Variants in KIAA1217 observed in about 807,000 individuals in gnomAD.
KIAA1217 encodes KIAA1217, also known as sickle tail protein homolog.
In KIAA1217, 88 loss-of-function variants were observed where a neutral mutation model predicts 163.9. That is an observed-to-expected ratio of 0.54 (90% CI 0.45 to 0.64). The LOEUF is 0.64. KIAA1217 is among the 30% of genes least tolerant of loss of function. KIAA1217 has a pLI of 0.00. For missense variants in KIAA1217, 2,372 were observed against 2,475.0 expected (o/e 0.96, Z 0.88); for synonymous variants, 903 against 923.1 (o/e 0.98, Z 0.39).
intron 2 of KIAA1217, among the ~76,000 whole-genome samples, chr10:24,129,259 G>T (rs2063570059): frequency 7.0e-6 from 1 of 143,512 alleles, no homozygotes; most frequent in Admixed American, 7.1e-5. Context: ...GGAGAGCCAG[G>T]ATGAAAAACT....
intron 1 of KIAA1217, among the ~76,000 whole-genome samples, chr10:23,843,699 T>C (rs759690892): frequency 6.6e-5 from 10 of 152,176 alleles, no homozygotes; most frequent in Non-Finnish European, 1.5e-4. Flanking sequence ...TTGTTGACTA[T>C]GTTCTTCTGT....
At chr10:24,066,988 C>T (rs2060976880) in intron 2 of KIAA1217, among the ~76,000 whole-genome samples, 1 of 152,212 alleles carries the variant, frequency 6.6e-6, no homozygotes, top group South Asian at 2.1e-4. Flanking sequence ...TGGTTTTCAG[C>T]TCCATCAGGT....
chr10:24,311,615 C>G (rs1419363560), intron 2 of KIAA1217, among the ~76,000 whole-genome samples: 1 of 152,132 alleles, frequency 6.6e-6, no homozygotes, highest in African/African-American at 2.4e-5. Flanking sequence ...CTACTTATTG[C>G]TGGAGGTAAT....
At chr10:24,323,992 C>A (rs529909266) in intron 2 of KIAA1217, among the ~76,000 whole-genome samples, 5 of 152,012 alleles carry the variant, frequency 3.3e-5, no homozygotes, top group African/African-American at 1.2e-4. Flanking sequence ...GGCTAAGGAA[C>A]CACTGTAAAT....
At chr10:23,869,052 C>G (rs943759156) in intron 1 of KIAA1217, among the ~76,000 whole-genome samples, 1 of 140,956 alleles carries the variant, frequency 7.1e-6, no homozygotes, top group African/African-American at 2.7e-5. Context: ...ATGCTAAGCA[C>G]GTTTTTTTTA....
intron 1 of KIAA1217, among the ~76,000 whole-genome samples, chr10:23,913,591 G>A (rs997981866): frequency 3.3e-5 from 5 of 152,044 alleles, no homozygotes; most frequent in African/African-American, 1.2e-4. Context: ...GGAGGGGTAA[G>A]TGAGGGGTGC....
intron 3 of KIAA1217, among the ~76,000 whole-genome samples, chr10:24,382,150 A>T (rs1475290391): frequency 1.3e-5 from 2 of 151,246 alleles, no homozygotes. Flanking sequence ...GATGTTTCTT[A>T]TGCTTCATTG....
intron 5 of KIAA1217, among the ~76,000 whole-genome samples, chr10:24,468,224 C>A (rs144758909): frequency 6.6e-6 from 1 of 152,132 alleles, no homozygotes; most frequent in Non-Finnish European, 1.5e-5. Context: ...ATCCTAAGAG[C>A]GAGTTGCCTT....
chr10:23,845,169 G>C (rs548145196), intron 1 of KIAA1217, among the ~76,000 whole-genome samples: 5 of 152,254 alleles, frequency 3.3e-5, no homozygotes, highest in African/African-American at 1.2e-4. Context: ...CCAAGTCTTT[G>C]CTATTGTGAA....
intron 2 of KIAA1217, among the ~76,000 whole-genome samples, chr10:24,088,698 T>A (rs574396329): frequency 8.2e-5 from 10 of 121,414 alleles, no homozygotes; most frequent in South Asian, 2.8e-4. Context: ...TCTATCATTG[T>A]TGGACATTTG....
At chr10:23,906,747 G>A (rs951357564) in intron 1 of KIAA1217, among the ~76,000 whole-genome samples, 4 of 152,114 alleles carry the variant, frequency 2.6e-5, no homozygotes, top group African/African-American at 7.2e-5. Context: ...TACTGCTGGA[G>A]CTCTCATAGG....
At chr10:24,236,751 A>G (rs1209059281) in intron 2 of KIAA1217, among the ~76,000 whole-genome samples, 1 of 151,544 alleles carries the variant, frequency 6.6e-6, no homozygotes, top group Non-Finnish European at 1.5e-5. Flanking sequence ...TTCTGGGCTC[A>G]GGCGTTCCTC....
chr10:23,860,252 T>G (rs1391370163), intron 1 of KIAA1217, among the ~76,000 whole-genome samples: 1 of 152,066 alleles, frequency 6.6e-6, no homozygotes, highest in Non-Finnish European at 1.5e-5. Context: ...TTTTTTTATC[T>G]TGACGCTAAA....
chr10:24,465,782 C>G (rs1257921500), intron 5 of KIAA1217, among the ~76,000 whole-genome samples: 1 of 152,156 alleles, frequency 6.6e-6, no homozygotes, highest in East Asian at 1.9e-4. Flanking sequence ...TGGAAGATAC[C>G]AGCTGTGCTG....
chr10:23,758,640 C>CTCTCTG (rs1363593004), intron 1 of KIAA1217, among the ~76,000 whole-genome samples: 1 of 141,894 alleles, frequency 7.0e-6, no homozygotes, highest in Non-Finnish European at 1.5e-5. Context: ...CTCTCTCTCT[C>CTCTCTG]TCTCTCCCCC....
chr10:24,106,278 A>G (rs1346361573), intron 2 of KIAA1217, among the ~76,000 whole-genome samples: 1 of 152,124 alleles, frequency 6.6e-6, no homozygotes, highest in African/African-American at 2.4e-5. Context: ...GTAGCCATGT[A>G]ATTATCTGGA....
intron 6 of KIAA1217, among the ~76,000 whole-genome samples, chr10:24,486,661 C>T (rs891620388): frequency 6.6e-6 from 1 of 152,184 alleles, no homozygotes. Flanking sequence ...AACGTTCCTC[C>T]TCCAGACAGC....
At chr10:24,147,852 A>AG (rs1210666492) in intron 2 of KIAA1217, among the ~76,000 whole-genome samples, 1 of 147,468 alleles carries the variant, frequency 6.8e-6, no homozygotes, top group African/African-American at 2.5e-5. Flanking sequence ...AAAAAAAAAA[A>AG]AAAAAAAAAA....
chr10:23,953,075 A>T (rs1844410420), intron 1 of KIAA1217, among the ~76,000 whole-genome samples: 1 of 152,228 alleles, frequency 6.6e-6, no homozygotes, highest in African/African-American at 2.4e-5. Context: ...CTGATCAGTG[A>T]TATCTTACAT....
Sources: allele counts gnomAD v4.1 joint callset (sites outside exome capture counted in the v4.1 genomes callset), GRCh38; gene constraint gnomAD v4.1.1; transcripts MANE v1.5; gene names NCBI Gene and HGNC (gene_info 2026-07-23, HGNC 2026-07-21).